The following RAMP1 variants were observed in gnomAD, a reference collection of about 807,000 sequenced individuals.
RAMP1 encodes the protein receptor activity-modifying protein 1.
RAMP1 carries 7 observed loss-of-function variants against 8.2 expected under a neutral mutation model. The observed-to-expected ratio is 0.85, with a 90% CI of 0.49 to 1.60. The LOEUF (loss-of-function observed/expected upper bound fraction) is 1.60. RAMP1 is among the 40% of genes most tolerant of loss of function. RAMP1 has a pLI of 0.00. For synonymous variants in RAMP1, 92 were observed against 84.7 expected, an observed-to-expected ratio of 1.09 and a Z score of -0.47; for missense variants, 192 against 202.4, an observed-to-expected ratio of 0.95 and a Z score of 0.31.
At chr2:237,890,537 T>C (rs756184233) in intron 2 of RAMP1, among the ~76,000 whole-genome samples, 1 of 152,194 alleles carries the variant, frequency 6.6e-6, no homozygotes, top group Non-Finnish European at 1.5e-5. Flanking sequence ...ACTTATTTCT[T>C]AGAAGTTTGA....
intron 2 of RAMP1, among the ~76,000 whole-genome samples, chr2:237,902,565 C>T (rs1054336054): frequency 2.0e-5 from 3 of 152,090 alleles, no homozygotes; most frequent in African/African-American, 7.2e-5. Flanking sequence ...CTTCCTGCCT[C>T]AGAGTTGGGT....
intron 2 of RAMP1, among the ~76,000 whole-genome samples, chr2:237,910,275 C>T (rs2062696714): frequency 6.6e-6 from 1 of 151,304 alleles, no homozygotes; most frequent in Non-Finnish European, 1.5e-5. Context: ...CAGAATAACA[C>T]AGTCACACAC....
intron 2 of RAMP1, among the ~76,000 whole-genome samples, chr2:237,902,270 G>T (rs2062607037): frequency 6.8e-6 from 1 of 146,504 alleles, no homozygotes; most frequent in Non-Finnish European, 1.5e-5. Flanking sequence ...CGAGGTGGAA[G>T]AGGGAGGGGT....
In RAMP1 at chr2:237,862,420, G is replaced by C. The variant is rs1184085413; in HGVS notation, c.52+2693G>C. 6.6e-6 allele frequency among the ~76,000 whole-genome samples: 1 copy of C among 152,182 alleles called. No individual in the cohort carries two copies. The highest frequency in any genetic ancestry group is 1.5e-5 in the Non-Finnish European group (1 of 68,034). On this transcript the variant is annotated intron_variant, in intron 1 of 2. Transcript: ENST00000254661. The surrounding 1 kb of genome is among the most constrained non-coding windows in gnomAD (Gnocchi z 4.0). ...CTGTCAGCGTGCTTATTACCAGTCCGAGGCCAGGGCTGTTGAGAAACATTT... is the reference window on the plus strand; with the variant it reads ...CTGTCAGCGTGCTTATTACCAGTCCCAGGCCAGGGCTGTTGAGAAACATTT...
chr2:237,875,986 C>T (rs531739350), intron 1 of RAMP1, among the ~76,000 whole-genome samples: 81 of 152,316 alleles, frequency 5.3e-4, no homozygotes, highest in Non-Finnish European at 6.8e-4. Flanking sequence ...ATACCACTTC[C>T]GGCCATGGGA....
At chr2:237,911,057 C>T (rs1235003035) in intron 2 of RAMP1, among the ~76,000 whole-genome samples, 2 of 152,114 alleles carry the variant, frequency 1.3e-5, no homozygotes, top group Non-Finnish European at 2.9e-5. Flanking sequence ...ATAACAGTCA[C>T]ACACAGTCGC....
chr2:237,904,275 A>G (rs1483844391), intron 2 of RAMP1, among the ~76,000 whole-genome samples: 1 of 149,382 alleles, frequency 6.7e-6, no homozygotes, highest in Non-Finnish European at 1.5e-5. Context: ...AAAAATAGCC[A>G]GGGCGTGGTG....
At chr2:237,891,120 G>A (rs1368896216) in intron 2 of RAMP1, among the ~76,000 whole-genome samples, 1 of 151,292 alleles carries the variant, frequency 6.6e-6, no homozygotes, top group African/African-American at 2.4e-5. Flanking sequence ...ACTTTCTATA[G>A]GTTTTGATAT....
At chr2:237,859,807 T>G (rs1576527837) in intron 1 of RAMP1, 80 bp downstream of exon 1, 6 of 489,772 alleles carry the variant, frequency 1.2e-5, no homozygotes, top group South Asian at 3.3e-5. Flanking sequence ...GGGGAGCGGG[T>G]GGGAGCGGGT....
intron 1 of RAMP1, among the ~76,000 whole-genome samples, chr2:237,872,534 C>A (rs558227292): frequency 6.6e-6 from 1 of 152,236 alleles, no homozygotes; most frequent in African/African-American, 2.4e-5. Flanking sequence ...AGACATGGGT[C>A]ACCCACAGCC....
intron 2 of RAMP1, among the ~76,000 whole-genome samples, chr2:237,880,712 G>T (rs1167335470): frequency 6.6e-6 from 1 of 152,216 alleles, no homozygotes; most frequent in African/African-American, 2.4e-5. Context: ...CATTCTTGAG[G>T]CAGAATTTCC....
intron 2 of RAMP1, among the ~76,000 whole-genome samples, chr2:237,889,323 G>T (rs2062466867): frequency 6.6e-6 from 1 of 152,172 alleles, no homozygotes; most frequent in Admixed American, 6.5e-5. Flanking sequence ...CTTTGTAGTT[G>T]TTCTGTGTTT....
rs1457203973 is a variant in RAMP1 at position 237,865,271 on chromosome 2, A to G, written c.52+5544A>G. On this transcript the variant is annotated intron_variant, in intron 1 of 2. Coordinates refer to ENST00000254661, the MANE Select transcript of RAMP1 (RefSeq NM_005855.4). The surrounding 1 kb of genome is among the most constrained non-coding windows in gnomAD (Gnocchi z 4.2). ...GGCAGGGCAGGGGAGAAGAGAGGAGAGGAGGGGAGGGGAGAGCAGGGGAGA... is the reference window on the plus strand; with the variant it reads ...GGCAGGGCAGGGGAGAAGAGAGGAGGGGAGGGGAGGGGAGAGCAGGGGAGA... 8.7e-6 allele frequency among the ~76,000 whole-genome samples: 1 copy of G among 114,586 alleles called. No individual in the cohort carries two copies. The highest frequency in any genetic ancestry group is 3.3e-5 in the African/African-American group (1 of 30,156). The allele number at this position is 114,586 out of a possible 152,430, so 75.2% of individuals were successfully genotyped here.
In RAMP1 at chr2:237,911,738, G is replaced by T; in HGVS notation, c.402G>T (p.Thr134=). The change falls in exon 3 of 3, where the codon ACG becomes ACT. Residue 134 remains threonine (T), a synonymous_variant. Coordinates refer to ENST00000254661, the MANE Select transcript of RAMP1 (RefSeq NM_005855.4). ...CCATCACGGTGACCCTGCTGGTGACGGCACTGGTGGTCTGGCAGAGCAAGC... is the reference window on the plus strand; with the variant it reads ...CCATCACGGTGACCCTGCTGGTGACTGCACTGGTGGTCTGGCAGAGCAAGC... ...VVPITVTLLV[T]ALVVWQSKRT... The T allele has an allele frequency of 6.2e-7, 1 of 1,613,020 alleles. No individual in the cohort carries two copies. Among genetic ancestry groups the T allele is most frequent in the Non-Finnish European group, 8.5e-7 (1 of 1,179,612 alleles).
At chr2:237,879,989 C>CAAAA (rs35678960) in intron 2 of RAMP1, among the ~76,000 whole-genome samples, 834 of 75,706 alleles carry the variant, frequency 0.011, 49 homozygotes, top group African/African-American at 0.038. Flanking sequence ...GACTTTGTCT[C>CAAAA]AAAAAAAAAA....
At chr2:237,899,777 C>A (rs1471351293) in intron 2 of RAMP1, among the ~76,000 whole-genome samples, 3 of 152,192 alleles carry the variant, frequency 2.0e-5, no homozygotes, top group African/African-American at 7.2e-5. Flanking sequence ...ACATCTTTTT[C>A]TTTCACTTTA....
intron 2 of RAMP1, among the ~76,000 whole-genome samples, chr2:237,910,821 A>G (rs1184210036): frequency 6.6e-6 from 1 of 151,898 alleles, no homozygotes; most frequent in African/African-American, 2.4e-5. Context: ...AAAGAGAATA[A>G]TAGTCACACA....
chr2:237,876,693 C>T (rs1177204995), intron 1 of RAMP1, among the ~76,000 whole-genome samples: 3 of 152,128 alleles, frequency 2.0e-5, no homozygotes, highest in Non-Finnish European at 4.4e-5. Context: ...GGAAATTAGT[C>T]AATCCTGATT....
chr2:237,898,901 T>C (rs987403096), intron 2 of RAMP1, among the ~76,000 whole-genome samples: 2 of 152,150 alleles, frequency 1.3e-5, no homozygotes, highest in Non-Finnish European at 2.9e-5. Flanking sequence ...TTTGGAAAGG[T>C]CCCGCTATTC....
Sources: gnomAD v4.1 joint callset for allele counts (sites outside exome capture counted in the v4.1 genomes callset) on GRCh38, gnomAD v4.1.1 for gene constraint, Gnocchi (gnomAD v3.1) non-coding constraint, MANE v1.5 for transcripts, NCBI Gene and HGNC (gene_info 2026-07-23, HGNC 2026-07-21) for gene names.